IGFN1: variants seen among roughly 807,000 people sequenced by gnomAD.
IGFN1 encodes the protein immunoglobulin-like and fibronectin type III domain-containing protein 1.
In IGFN1, 253 loss-of-function variants were observed where a neutral mutation model predicts 289.5. The observed-to-expected ratio is 0.87, with a 90% CI of 0.79 to 0.97. IGFN1 has a LOEUF of 0.97. Among genes scored for constraint, IGFN1 ranks in the 50% least tolerant of loss-of-function variants. IGFN1 has a pLI of 0.00. For missense variants in IGFN1, 4,470 were observed against 4,686.1 expected (o/e 0.95, Z 1.35); for synonymous variants, 1,706 against 1,788.5 (o/e 0.95, Z 1.16).
At position 201,207,492 on chromosome 1, in the gene IGFN1, G is replaced by T. The variant is rs1391299916; in HGVS notation, c.2599G>T (p.Gly867Cys). The change falls in exon 12 of 24, where the codon GGT (glycine) becomes TGT (cysteine). Residue 867 changes from glycine to cysteine, a missense_variant. By Grantham distance (159) the Gly-to-Cys change is radical. This residue lies in a region of IGFN1 where 2,011 missense variants were observed against 1,953.4 expected (regional missense o/e 1.03). Coordinates refer to ENST00000335211, the MANE Select transcript of IGFN1 (RefSeq NM_001164586.2). Reference protein sequence around the residue: ...GVLGPSGGQEGMGGIWVAGLT... With the variant: ...GVLGPSGGQECMGGIWVAGLT... ...GCTGGGGCCCAGTGGAGGACAAGAG[G>T]GTATGGGTGGTATCTGGGTGGCTGG... is the stretch of plus-strand genomic sequence containing the variant. 1 of 1,534,526 alleles carries T rather than the reference G, an allele frequency of 6.5e-7. No homozygotes were observed. The highest frequency in any genetic ancestry group is 1.2e-5 in the South Asian group (1 of 83,776).
intron 16 of IGFN1, 67 bp from the exon 17 acceptor site, chr1:201,217,220 C>G: frequency 6.8e-7 from 1 of 1,463,880 alleles, no homozygotes; most frequent in Non-Finnish European, 9.5e-7. Flanking sequence ...CCCCTACCCC[C>G]AGGGGCTCCC....
At chr1:201,222,943 T>C (rs1197904133) in intron 20 of IGFN1, 116 bp downstream of exon 20, 1 of 586,148 alleles carries the variant, frequency 1.7e-6, no homozygotes, top group Middle Eastern at 3.4e-4. Flanking sequence ...TCAGTGCTTG[T>C]GGAAATCACT....
Position 201,227,002 on chromosome 1 carries a change from C to T in IGFN1, c.10907C>T (p.Ala3636Val). The change falls in exon 23 of 24, where the codon GCC (alanine) becomes GTC (valine). Residue 3636 changes from alanine (A) to valine (V), a missense_variant. By Grantham distance (64) the Ala-to-Val change is moderately conservative (BLOSUM62 0). Coordinates refer to ENST00000335211, the MANE Select transcript of IGFN1 (RefSeq NM_001164586.2). ...GGCTGCGAGTGCTGCATGAGCTGTG[C>T]CGTGCAGGGCTCGCCCCGGCCCCAC... The part of the protein sequence containing the change: ...PQGCECCMSC[A>V]VQGSPRPHVT... 6.2e-7 allele frequency: 1 copy of T among 1,613,374 alleles called. No individual in the cohort carries two copies. The highest frequency in any genetic ancestry group is 8.5e-7 in the Non-Finnish European group (1 of 1,180,016).
chr1:201,205,409 C>T (rs1202282565), intron 11 of IGFN1, 55 bp downstream of exon 11: 15 of 1,459,790 alleles, frequency 1.0e-5, no homozygotes, highest in Middle Eastern at 2.0e-4. Flanking sequence ...CTTGGGGCTG[C>T]GGAGGCATGA....
In IGFN1 at chr1:201,226,912, G is replaced by C; in HGVS notation, c.10817G>C (p.Arg3606Pro). The C allele has an allele frequency of 6.2e-7, 1 of 1,605,794 alleles. No homozygotes were observed. Among genetic ancestry groups the C allele is most frequent in the Non-Finnish European group, 8.5e-7 (1 of 1,175,510 alleles). The change falls in exon 23 of 24, where the codon CGG becomes CCG. Residue 3606 changes from arginine to proline, a missense_variant. By Grantham distance (103) the Arg-to-Pro change is moderately radical. Around this residue, in one of 8 missense-constraint regions of IGFN1, gnomAD observed 2,218 missense variants for 2,114.1 expected, o/e 1.05. Transcript: ENST00000335211. ...TTCACAGTGAAGGCTCCGTGCTACCGGGAGCCCGACCTGAGCCAGAAGCCC... is the reference window on the plus strand; with the variant it reads ...TTCACAGTGAAGGCTCCGTGCTACCCGGAGCCCGACCTGAGCCAGAAGCCC... ...DRFTVKAPCY[R>P]EPDLSQKPRF...
At chr1:201,204,005 G>A in intron 10 of IGFN1, 99 bp downstream of exon 10, 1 of 1,102,384 alleles carries the variant, frequency 9.1e-7, no homozygotes. Context: ...ATGTGATGTG[G>A]CCCCAGCTGC....
Position 201,207,654 on chromosome 1 carries a change from C to T in IGFN1, c.2761C>T (p.Pro921Ser), listed in dbSNP as rs997378108. The change falls in exon 12 of 24, where the codon CCA (proline) becomes TCA (serine). Residue 921 changes from proline to serine, a missense_variant. By Grantham distance (74) the Pro-to-Ser change is moderately conservative. Coordinates refer to ENST00000335211, the MANE Select transcript of IGFN1 (RefSeq NM_001164586.2). ...LRGPGSIGSE[P>S]DFWNGSGSSR... The stretch of plus-strand genomic sequence containing the variant: ...AGGTCCTGGGTCAATAGGGTCTGAA[C>T]CAGATTTCTGGAATGGGTCAGGGAG... 3 of 1,536,890 alleles carry T rather than the reference C, an allele frequency of 2.0e-6. No homozygotes were observed. The African/African-American group carries it at 4.1e-5, about 21-fold the overall frequency.
At chr1:201,194,329 C>T in intron 3 of IGFN1, 56 bp downstream of exon 3, 1 of 1,540,142 alleles carries the variant, frequency 6.5e-7, no homozygotes, top group Non-Finnish European at 8.8e-7. Context: ...TCCTACCTCC[C>T]AGGGGAGAGG....
chr1:201,190,860 C>G lies in IGFN1; in HGVS notation c.-95C>G, dbSNP rs186578448. On this transcript the variant is annotated 5_prime_UTR_variant, in exon 1 of 24. Transcript: ENST00000335211. ...AGCCTCAGCAAGCAGCAGCTGGAAA[C>G]GGGGAAGAGGGAGCAGACAGGAAGC... The G allele has an allele frequency of 1.3e-5, 2 of 152,680 alleles. No individual in the cohort carries two copies. The highest frequency in any genetic ancestry group is 3.9e-4 in the East Asian group (2 of 5,164). The allele number at this position is 152,680 out of a possible 1,614,324, so 9.5% of individuals were successfully genotyped here.
At chr1:201,220,268 G>C (rs868277090) in intron 18 of IGFN1, among the ~76,000 whole-genome samples, 1 of 151,886 alleles carries the variant, frequency 6.6e-6, no homozygotes, top group Middle Eastern at 3.4e-3. Flanking sequence ...CTGCAGCCTT[G>C]AACTCCTGGC....
Position 201,208,365 on chromosome 1 carries a change from G to A in IGFN1, c.3472G>A (p.Ala1158Thr). 1 of 1,462,528 alleles carries A rather than the reference G, an allele frequency of 6.8e-7. No homozygotes were observed. The highest frequency in any genetic ancestry group is 9.0e-7 in the Non-Finnish European group (1 of 1,117,238). The allele number at this position is 1,462,528 out of a possible 1,614,324, so 90.6% of individuals were successfully genotyped here. ...PGAMGPGSLR[A>T]GSKVGEGDGT... ...AGCCATGGGACCAGGGTCTCTGAGG[G>A]CAGGAAGCAAAGTGGGTGAGGGGGA... Residue 1158 changes from alanine (A) to threonine (T), a missense_variant, in exon 12 of 24, where the codon GCA becomes ACA. By Grantham distance (58) the Ala-to-Thr change is moderately conservative. Coordinates refer to ENST00000335211, the MANE Select transcript of IGFN1 (RefSeq NM_001164586.2).
chr1:201,204,384 T>TCCCA (rs1667304642), intron 10 of IGFN1, among the ~76,000 whole-genome samples: 1 of 152,142 alleles, frequency 6.6e-6, no homozygotes, highest in Non-Finnish European at 1.5e-5. Flanking sequence ...TCAAACTCTG[T>TCCCA]CCCATCCCCA....
Position 201,218,567 on chromosome 1 carries a change from T to G in IGFN1, c.9807T>G (p.Cys3269Trp), listed in dbSNP as rs369620366. 136 of 1,613,562 alleles carry G rather than the reference T, an allele frequency of 8.4e-5. No individual in the cohort carries two copies. In the African/African-American group the frequency reaches 1.4e-3, roughly 16 times the overall value. Reference sequence around the variant, plus strand: ...CGGTGGCGGACGTGCGGCAGGGCTGTCAGTATGAGTTCCGGGTCACAGCTG... The same window carrying G: ...CGGTGGCGGACGTGCGGCAGGGCTGGCAGTATGAGTTCCGGGTCACAGCTG... ...RWTVADVRQG[C>W]QYEFRVTAVA... Residue 3269 changes from cysteine (C) to tryptophan (W), a missense_variant, in exon 18 of 24, where the codon TGT becomes TGG. Physicochemically the swap from Cys to Trp is radical, Grantham distance 215 (BLOSUM62 -2). This residue lies in a region of IGFN1 where 2,218 missense variants were observed against 2,114.1 expected (regional missense o/e 1.05). Transcript: ENST00000335211.
intron 20 of IGFN1, among the ~76,000 whole-genome samples, chr1:201,224,196 C>T (rs920841962): frequency 3.9e-5 from 6 of 152,156 alleles, no homozygotes; most frequent in South Asian, 2.1e-4. Context: ...GCCAGGACAC[C>T]GCAATCTTCC....
intron 21 of IGFN1, among the ~76,000 whole-genome samples, chr1:201,225,186 G>A (rs1378885985): frequency 6.6e-6 from 1 of 152,168 alleles, no homozygotes; most frequent in Non-Finnish European, 1.5e-5. Flanking sequence ...TCACTCCAAA[G>A]ACCCAGGGGA....
chr1:201,224,458 TGTTCTACCGCC>T (rs1653948242), intron 20 of IGFN1, among the ~76,000 whole-genome samples: 1 of 152,108 alleles, frequency 6.6e-6, no homozygotes, highest in Non-Finnish European at 1.5e-5. Context: ...CTTCCTTTCT[TGTTCTACCGCC>T]CCCCTACCAT....
At chr1:201,196,305 A>G (rs1666914516) in intron 4 of IGFN1, among the ~76,000 whole-genome samples, 1 of 152,182 alleles carries the variant, frequency 6.6e-6, no homozygotes, top group Non-Finnish European at 1.5e-5. Context: ...CTGTCTCCTC[A>G]TTTGTAAAAA....
rs544822184 is a variant in IGFN1, at chr1:201,203,874, C to T, written c.884C>T (p.Ala295Val). ...ATTTACCAGGTCAAGGTGGAGGATG[C>T]TGTGGTCTTCTCCACAGAACTGGAG... Reference protein sequence around the residue: ...SGIYQVKVEDAVVFSTELEAS... With the variant: ...SGIYQVKVEDVVVFSTELEAS... The change falls in exon 10 of 24, where the codon GCT becomes GTT. Residue 295 changes from alanine (A) to valine (V), a missense_variant. By Grantham distance (64) the Ala-to-Val change is moderately conservative. This residue lies in a region of IGFN1 where 2,011 missense variants were observed against 1,953.4 expected (regional missense o/e 1.03). Coordinates refer to ENST00000335211, the MANE Select transcript of IGFN1 (RefSeq NM_001164586.2). The T allele has an allele frequency of 6.4e-7, 1 of 1,551,628 alleles. No individual in the cohort carries two copies. Among genetic ancestry groups the T allele is most frequent in the East Asian group, 2.4e-5 (1 of 40,922 alleles).
intron 15 of IGFN1, 86 bp downstream of exon 15, chr1:201,215,924 T>G (rs879358581): frequency 7.8e-7 from 1 of 1,280,724 alleles, no homozygotes; most frequent in Admixed American, 2.0e-5. Flanking sequence ...GCCTGGGATA[T>G]GATCTCTGCT....
Sources: allele counts gnomAD v4.1 joint callset (sites outside exome capture counted in the v4.1 genomes callset), GRCh38; gene constraint gnomAD v4.1.1; regional missense constraint gnomAD v4.1.1; transcripts MANE v1.5; gene names NCBI Gene and HGNC (gene_info 2026-07-23, HGNC 2026-07-21).